The following CDH8 variants were observed in gnomAD, a reference collection of about 807,000 sequenced individuals.
The protein encoded by CDH8 is cadherin 8, also known as cadherin-8.
CDH8 carries 17 observed loss-of-function variants against 68.1 expected under a neutral mutation model. That is an observed-to-expected ratio of 0.25 (90% CI 0.17 to 0.37). The LOEUF (loss-of-function observed/expected upper bound fraction) is 0.37. Ranked by LOEUF, CDH8 falls within the 10% of genes least tolerant of loss-of-function variation. CDH8 has a pLI of 1.00. For missense variants in CDH8, 763 were observed against 999.3 expected (o/e 0.76, Z 3.19); for synonymous variants, 372 against 365.1 (o/e 1.02, Z -0.21).
chr16:61,844,538 G>A (rs1962763488), intron 4 of CDH8, among the ~76,000 whole-genome samples: 3 of 152,132 alleles, frequency 2.0e-5, no homozygotes, highest in Admixed American at 2.0e-4. Flanking sequence ...CCATTTTCCA[G>A]GGTATAGGAG....
At position 61,649,489 on chromosome 16, in the gene CDH8, T is replaced by C. The variant is rs1256418550; in HGVS notation, c.*4119A>G. On this transcript the variant is annotated 3_prime_UTR_variant, in exon 12 of 12. Coordinates refer to ENST00000577390, the MANE Select transcript of CDH8 (RefSeq NM_001796.5). ...ATTCTTTTTAATGTTGATATTCATG[T>C]TTAAGTTGTGCATTTATAGAGCTTT... 6.6e-6 allele frequency: 1 copy of C among 151,848 alleles called. No homozygotes were observed. Among genetic ancestry groups the C allele is most frequent in the Non-Finnish European group, 1.5e-5 (1 of 67,942 alleles). The allele number at this position is 151,848 out of a possible 1,614,324, so 9.4% of individuals were successfully genotyped here. A position where few individuals can be genotyped will look rare whatever the true frequency, so the allele number is the denominator to read the frequency against.
chr16:61,887,737 T>C (rs1489634633), intron 3 of CDH8, among the ~76,000 whole-genome samples: 2 of 152,162 alleles, frequency 1.3e-5, no homozygotes, highest in Admixed American at 1.3e-4. Flanking sequence ...GGGAACACAA[T>C]TCTGATCCCA....
intron 4 of CDH8, among the ~76,000 whole-genome samples, chr16:61,854,129 TACACACACACACAC>T (rs3069985): frequency 2.7e-5 from 4 of 145,626 alleles, no homozygotes; most frequent in Non-Finnish European, 4.6e-5. Context: ...CATATACACA[TACACACACACACAC>T]ACACACACAC....
chr16:62,000,721 G>A (rs1285358620), intron 2 of CDH8, among the ~76,000 whole-genome samples: 2 of 151,968 alleles, frequency 1.3e-5, no homozygotes, highest in African/African-American at 4.8e-5. Context: ...TTGAATTGAA[G>A]TTTTTCTCAT....
chr16:61,885,519 TTAAA>T (rs1228660145), intron 3 of CDH8, among the ~76,000 whole-genome samples: 2 of 152,186 alleles, frequency 1.3e-5, no homozygotes, highest in East Asian at 3.9e-4. Flanking sequence ...CACAAGGCAC[TTAAA>T]TAGTGTTTAT....
At chr16:61,969,948 A>G (rs997265391) in intron 2 of CDH8, among the ~76,000 whole-genome samples, 2 of 152,230 alleles carry the variant, frequency 1.3e-5, no homozygotes, top group Admixed American at 6.5e-5. Flanking sequence ...TTGAAATACT[A>G]TAATAATGGT....
At chr16:61,834,395 A>C (rs1597005832) in intron 4 of CDH8, among the ~76,000 whole-genome samples, 1 of 152,046 alleles carries the variant, frequency 6.6e-6, no homozygotes, top group South Asian at 2.1e-4. Context: ...TTGCCAGAAG[A>C]AGGACATAGC....
intron 10 of CDH8, among the ~76,000 whole-genome samples, chr16:61,709,386 T>A (rs1217301679): frequency 1.3e-5 from 2 of 152,096 alleles, no homozygotes; most frequent in Non-Finnish European, 2.9e-5. Flanking sequence ...AGAAAATGTA[T>A]TCCTGAAGAT....
chr16:61,739,471 G>C (rs986151553), intron 8 of CDH8, among the ~76,000 whole-genome samples: 1 of 151,832 alleles, frequency 6.6e-6, no homozygotes, highest in African/African-American at 2.4e-5. Context: ...AGATCAAAAT[G>C]AAGATTTTTT....
At chr16:61,737,973 A>G (rs1192748190) in intron 8 of CDH8, among the ~76,000 whole-genome samples, 1 of 152,162 alleles carries the variant, frequency 6.6e-6, no homozygotes, top group Non-Finnish European at 1.5e-5. Flanking sequence ...TTGAAATCCC[A>G]GTCATATCTA....
intron 2 of CDH8, among the ~76,000 whole-genome samples, chr16:62,008,360 C>A (rs1901721300): frequency 6.6e-6 from 1 of 152,220 alleles, no homozygotes. Flanking sequence ...GTCGTACCAT[C>A]TCATTTTGTT....
Position 61,651,526 on chromosome 16 carries a change from C to T in CDH8, c.*2082G>A, listed in dbSNP as rs1389486162. 1 of 152,098 alleles carries T rather than the reference C, an allele frequency of 6.6e-6. No homozygotes were observed. The highest frequency in any genetic ancestry group is 3.1e-3 in the Middle Eastern group (1 of 318). 9.4% of individuals were successfully genotyped at this position (152,098 alleles called of 1,614,324 possible). ...TGCGTTCAGCTTTTGAGTCAAAAAC[C>T]GTTCTCTTCTTAGCAGCCCCGCACC... On this transcript the variant is annotated 3_prime_UTR_variant, in exon 12 of 12. Coordinates refer to ENST00000577390, the MANE Select transcript of CDH8 (RefSeq NM_001796.5).
chr16:61,831,185 T>C (rs150278141), intron 4 of CDH8, among the ~76,000 whole-genome samples: 1 of 151,902 alleles, frequency 6.6e-6, no homozygotes, highest in African/African-American at 2.4e-5. Context: ...TGGAACTTCA[T>C]TTTGAAAATT....
At chr16:62,028,495 T>C (rs1165353924) in intron 1 of CDH8, among the ~76,000 whole-genome samples, 15 of 152,152 alleles carry the variant, frequency 9.9e-5, no homozygotes, top group Admixed American at 9.8e-4. Flanking sequence ...TCCTCCTCCT[T>C]CTTTCCCAAG....
intron 2 of CDH8, among the ~76,000 whole-genome samples, chr16:61,974,043 A>G (rs1446237751): frequency 1.3e-5 from 2 of 151,886 alleles, no homozygotes; most frequent in Non-Finnish European, 2.9e-5. Flanking sequence ...GATTAGTCCC[A>G]TTCTGAAATA....
chr16:61,831,249 A>C (rs1056385457), intron 4 of CDH8, among the ~76,000 whole-genome samples: 1 of 151,814 alleles, frequency 6.6e-6, no homozygotes, highest in Admixed American at 6.6e-5. Flanking sequence ...CATGAAGTTC[A>C]TTCAATGGAA....
intron 10 of CDH8, among the ~76,000 whole-genome samples, chr16:61,665,519 G>A (rs1352069079): frequency 6.6e-6 from 1 of 151,866 alleles, no homozygotes; most frequent in South Asian, 2.1e-4. Flanking sequence ...GGGGGGCAAG[G>A]GGAGAGAGAG....
chr16:61,811,911 T>C (rs1961957293), intron 7 of CDH8, among the ~76,000 whole-genome samples: 1 of 152,178 alleles, frequency 6.6e-6, no homozygotes, highest in East Asian at 1.9e-4. Flanking sequence ...AAATGGGGCA[T>C]TGCTAATCAA....
At chr16:61,929,188 C>T (rs562072029) in intron 2 of CDH8, among the ~76,000 whole-genome samples, 2 of 152,244 alleles carry the variant, frequency 1.3e-5, no homozygotes, top group East Asian at 1.9e-4. Context: ...GGATTACAGG[C>T]GTGAGCCACA....
Sources: gnomAD v4.1 joint callset for allele counts (sites outside exome capture counted in the v4.1 genomes callset) on GRCh38, gnomAD v4.1.1 for gene constraint, MANE v1.5 for transcripts, NCBI Gene and HGNC (gene_info 2026-07-23, HGNC 2026-07-21) for gene names.